Variants in UGT3A1 observed in about 807,000 individuals in gnomAD.
UGT3A1 encodes UDP-glycosyltransferase 3A1.
Under a neutral mutation model 37.6 loss-of-function variants are expected in UGT3A1, and 40 were observed. That is an observed-to-expected ratio of 1.06 (90% confidence interval 0.83 to 1.38). UGT3A1 has a LOEUF of 1.38. Ranked by LOEUF, UGT3A1 falls within the 40% of genes most tolerant of loss-of-function variation. The pLI is 0.00. For synonymous variants in UGT3A1, 256 were observed against 232.3 expected, an observed-to-expected ratio of 1.10 and a Z score of -0.93; for missense variants, 642 against 634.2, an observed-to-expected ratio of 1.01 and a Z score of -0.13.
intron 1 of UGT3A1, among the ~76,000 whole-genome samples, chr5:35,990,091 C>CAAA (rs397975621): frequency 1.7e-5 from 2 of 115,460 alleles, no homozygotes; most frequent in Admixed American, 9.1e-5. Flanking sequence ...GACTCCGTCT[C>CAAA]AAAAAAAAAA....
intron 4 of UGT3A1, chr5:35,962,937 A>G: frequency 1.4e-6 from 1 of 702,840 alleles, no homozygotes; most frequent in Non-Finnish European, 2.6e-6. Context: ...TGGTGAAGAG[A>G]GCTGGTTGCC....
In UGT3A1 at chr5:35,984,691, T is replaced by C. The variant is rs1318045008; in HGVS notation, c.196+3759A>G. On this transcript the variant is annotated intron_variant, in intron 2 of 6. Transcript: ENST00000274278. The stretch of plus-strand genomic sequence containing the variant: ...TTTCGCCATGTTGGCCAGGCTGGTC[T>C]CAAACTCCTGACCTCAGGTGATCCA... 2.0e-5 allele frequency among the ~76,000 whole-genome samples: 3 copies of C among 152,222 alleles called. No individual in the cohort carries two copies. The East Asian group carries it at 5.8e-4, about 29-fold the overall frequency.
intron 2 of UGT3A1, among the ~76,000 whole-genome samples, chr5:35,970,503 C>T (rs1739994456): frequency 6.6e-6 from 1 of 152,056 alleles, no homozygotes; most frequent in Non-Finnish European, 1.5e-5. Flanking sequence ...CATCCCACAA[C>T]ACGTGGGAAT....
upstream of UGT3A1, among the ~76,000 whole-genome samples, chr5:35,995,989 T>TCATGA (rs1219541707): frequency 2.7e-5 from 4 of 149,474 alleles, no homozygotes; most frequent in African/African-American, 9.9e-5. Flanking sequence ...AATGAACTAG[T>TCATGA]TAACTTAGCT....
chr5:35,968,359 A>C (rs1169445616), intron 2 of UGT3A1, among the ~76,000 whole-genome samples: 1 of 152,210 alleles, frequency 6.6e-6, no homozygotes. Flanking sequence ...TAAAGTTATA[A>C]AAGTTTCCAC....
chr5:35,954,775 C>T, intron 6 of UGT3A1: 3 of 392,012 alleles, frequency 7.7e-6, no homozygotes, highest in Non-Finnish European at 1.4e-5. Context: ...TTATGGTATA[C>T]TAAAGGAAAA....
chr5:35,957,639 A>G (rs1739410596), intron 4 of UGT3A1, among the ~76,000 whole-genome samples: 1 of 152,142 alleles, frequency 6.6e-6, no homozygotes. Flanking sequence ...ATACCTGAGG[A>G]CACGTTTTTG....
chr5:35,999,682 G>A (rs1741177481), intron 1 of UGT3A1, among the ~76,000 whole-genome samples: 1 of 152,168 alleles, frequency 6.6e-6, no homozygotes, highest in South Asian at 2.1e-4. Flanking sequence ...GTCCTTCATG[G>A]TGGCAAATAG....
At position 35,954,086 on chromosome 5, in the gene UGT3A1, G is replaced by A; in HGVS notation, c.*116C>T. 1 of 1,127,582 alleles carries A rather than the reference G, an allele frequency of 8.9e-7. No individual in the cohort carries two copies. The highest frequency in any genetic ancestry group is 1.3e-6 in the Non-Finnish European group (1 of 787,406). The allele number at this position is 1,127,582 out of a possible 1,614,324, so 69.8% of individuals were successfully genotyped here. A position where few individuals can be genotyped will look rare whatever the true frequency, so the allele number is the denominator to read the frequency against. On this transcript the variant is annotated 3_prime_UTR_variant, in exon 7 of 7. Transcript: ENST00000274278. ...GGCAGAGAATAGAAAGAAGCAAGTTGCAGGATCAGTGGCAGGTGGAGCTGA... is the reference window on the plus strand; with the variant it reads ...GGCAGAGAATAGAAAGAAGCAAGTTACAGGATCAGTGGCAGGTGGAGCTGA...
Position 35,955,698 on chromosome 5 carries a change from C to T in UGT3A1, c.1242G>A (p.Gln414=). 1.2e-6 allele frequency: 2 copies of T among 1,614,174 alleles called. No individual in the cohort carries two copies. Among genetic ancestry groups the T allele is most frequent in the Non-Finnish European group, 1.7e-6 (2 of 1,180,040 alleles). The stretch of plus-strand genomic sequence containing the variant: ...TAAGTGTCAGTGTGTCGGCTGTGAC[C>T]TGATTCAACCGGATAGAGACACCAT... ...KNYGVSIRLN[Q]VTADTLTLTM... The change falls in exon 6 of 7, where the codon CAG becomes CAA. Residue 414 remains glutamine, a synonymous_variant. Transcript: ENST00000274278.
intron 2 of UGT3A1, among the ~76,000 whole-genome samples, chr5:35,981,865 C>G (rs1271980922): frequency 6.6e-6 from 1 of 152,196 alleles, no homozygotes. Flanking sequence ...GCCCAGAGGC[C>G]TAGGAGGGGA....
chr5:35,954,368 G>T lies in UGT3A1; in HGVS notation c.1406C>A (p.Thr469Lys). ...CTGGAAGGCATAGGGCTTGAGGTGC[G>T]TCGCTCCCCCAGTCTGGAGGATGTG... ...IDHILQTGGA[T>K]HLKPYAFQQP... Residue 469 changes from threonine (T) to lysine (K), a missense_variant, in exon 7 of 7, where the codon ACG becomes AAG. Thr to Lys is a moderately conservative substitution (Grantham distance 78). Coordinates refer to ENST00000274278, the MANE Select transcript of UGT3A1 (RefSeq NM_152404.4). 1.2e-6 allele frequency: 2 copies of T among 1,614,210 alleles called. No individual in the cohort carries two copies. Among genetic ancestry groups the T allele is most frequent in the Non-Finnish European group, 1.7e-6 (2 of 1,180,036 alleles).
At position 35,968,664 on chromosome 5, in the gene UGT3A1, C is replaced by G. The variant is rs1393135609; in HGVS notation, c.197-531G>C. Among the ~76,000 whole-genome samples the G allele has an allele frequency of 3.3e-5, 5 of 152,262 alleles. No homozygotes were observed. The East Asian group carries it at 9.6e-4, about 29-fold the overall frequency. Reference sequence around the variant, plus strand: ...TTCTACTTACCAGCCCCACCCCTCCCCCATCACCCATGTGTAATAAGAAGT... The same window carrying G: ...TTCTACTTACCAGCCCCACCCCTCCGCCATCACCCATGTGTAATAAGAAGT... On this transcript the variant is annotated intron_variant, in intron 2 of 6. Coordinates refer to ENST00000274278, the MANE Select transcript of UGT3A1 (RefSeq NM_152404.4).
At chr5:35,995,448 CA>C (rs1741073207), upstream of UGT3A1, among the ~76,000 whole-genome samples, 1 of 152,214 alleles carries the variant, frequency 6.6e-6, no homozygotes, top group Non-Finnish European at 1.5e-5. Context: ...AATTACGAGG[CA>C]TAGTTAAAGA....
At chr5:35,954,559 C>T (rs1407733470) in intron 6 of UGT3A1, 81 bp from the exon 7 acceptor site, 1 of 1,508,912 alleles carries the variant, frequency 6.6e-7, no homozygotes, top group Non-Finnish European at 9.0e-7. Flanking sequence ...AGCACACACA[C>T]AAGCATACAA....
At chr5:35,985,079 T>TTAAAA (rs1554074567) in intron 2 of UGT3A1, among the ~76,000 whole-genome samples, 13 of 116,034 alleles carry the variant, frequency 1.1e-4, no homozygotes, top group African/African-American at 4.2e-4. Flanking sequence ...ACATAAAATA[T>TTAAAA]AAAAAAAAAA....
chr5:35,962,127 C>G (rs1480814859), intron 4 of UGT3A1: 1 of 152,216 alleles, frequency 6.6e-6, no homozygotes, highest in Non-Finnish European at 1.5e-5. Context: ...CAAAGCTCAT[C>G]CCCAAATCTC....
chr5:35,967,736 C>A (rs369288553), intron 3 of UGT3A1, among the ~76,000 whole-genome samples: 5 of 152,196 alleles, frequency 3.3e-5, no homozygotes, highest in South Asian at 2.1e-4. Flanking sequence ...TCTATAGAAC[C>A]CTTACGGTAG....
At chr5:35,986,175 C>T (rs1005083132) in intron 2 of UGT3A1, among the ~76,000 whole-genome samples, 10 of 151,930 alleles carry the variant, frequency 6.6e-5, no homozygotes, top group Non-Finnish European at 1.2e-4. Flanking sequence ...ATCTGAAAAA[C>T]GGAATAATGA....
Sources: allele counts gnomAD v4.1 joint callset (sites outside exome capture counted in the v4.1 genomes callset), GRCh38; gene constraint gnomAD v4.1.1; transcripts MANE v1.5; gene names NCBI Gene and HGNC (gene_info 2026-07-23, HGNC 2026-07-21).